The following CUX1 variants were observed in gnomAD, a reference collection of about 807,000 sequenced individuals.
The protein encoded by CUX1 is protein CASP.
Under a neutral mutation model 158.8 loss-of-function variants are expected in CUX1, and 31 were observed. The ratio of observed to expected loss-of-function variants is 0.20; its 90% confidence interval spans 0.15 to 0.26. The LOEUF (loss-of-function observed/expected upper bound fraction) is 0.26, where lower values mean the gene tolerates loss of function less well. Ranked by LOEUF, CUX1 falls within the 10% of genes least tolerant of loss-of-function variation. The pLI, the probability that CUX1 is intolerant of heterozygous loss-of-function variation, is 1.00. For synonymous variants in CUX1, 879 were observed against 862.1 expected (o/e 1.02, Z -0.34); for missense variants, 1,589 against 2,014.6 (o/e 0.79, Z 4.04).
At chr7:102,111,831 G>C in intron 7 of CUX1, 57 bp downstream of exon 7, 4 of 1,535,750 alleles carry the variant, frequency 2.6e-6, no homozygotes, top group Non-Finnish European at 3.6e-6. Context: ...GGGGAGAGTT[G>C]GGTCAGCCCC....
At chr7:102,178,107 GGC>G (rs1792593740) in intron 10 of CUX1, among the ~76,000 whole-genome samples, 1 of 152,152 alleles carries the variant, frequency 6.6e-6, no homozygotes, top group Non-Finnish European at 1.5e-5. Context: ...TCACCATGTT[GGC>G]CAGGCTGGTC....
intron 5 of CUX1, among the ~76,000 whole-genome samples, chr7:102,100,652 C>G (rs201469): frequency 0.62 from 94,791 of 152,044 alleles, 31,163 homozygotes; most frequent in African/African-American, 0.79. Flanking sequence ...AATTATCACA[C>G]CAGTAGTGTA....
In CUX1 at chr7:101,916,116, G is replaced by T; in HGVS notation, c.32G>T (p.Arg11Ile). ...TTTCCTTTCCTGTTTCCCCAACAGA[G>T]AGAACTCGATGCCACCGCAACGGTA... MLCVAGARLKRELDATATVLA... is the reference protein window; with the variant it reads MLCVAGARLKIELDATATVLA... Residue 11 changes from arginine (R) to isoleucine (I), a missense_variant and splice_region_variant, in exon 2 of 24, where the codon AGA (arginine) becomes ATA (isoleucine). Physicochemically the swap from Arg to Ile is moderately conservative, Grantham distance 97. This residue lies in a region of CUX1 where 63 missense variants were observed against 109.2 expected (regional missense o/e 0.58). Coordinates refer to ENST00000292535, the MANE Select transcript of CUX1 (RefSeq NM_181552.4). This position sits in a 1 kb window ranked among gnomAD's most constrained non-coding sequence, Gnocchi z 4.4. 1 of 1,609,838 alleles carries T rather than the reference G, an allele frequency of 6.2e-7. No homozygotes were observed. Among genetic ancestry groups the T allele is most frequent in the South Asian group, 1.1e-5 (1 of 90,980 alleles).
intron 2 of CUX1, among the ~76,000 whole-genome samples, chr7:101,948,903 T>C (rs1808710965): frequency 6.6e-6 from 1 of 152,220 alleles, no homozygotes; most frequent in African/African-American, 2.4e-5. Flanking sequence ...CCCCTGCAAG[T>C]GTGTCTGAGT....
At position 102,084,149 on chromosome 7, in the gene CUX1, G is replaced by A. The variant is rs1166200226; in HGVS notation, c.269-13215G>A. Among the ~76,000 whole-genome samples, 41 of 145,382 alleles carry A rather than the reference G, an allele frequency of 2.8e-4. 4 individuals carry two copies. The Admixed American group carries it at 2.9e-3, about 10-fold the overall frequency. ...GATCTGCCCACCTCAGCCTCCCAAA[G>A]TGCTAGGATTACAGGTGCGAGATTA... On this transcript the variant is annotated intron_variant, in intron 4 of 23. Coordinates refer to ENST00000292535, the MANE Select transcript of CUX1 (RefSeq NM_181552.4).
At chr7:101,873,178 CTT>C (rs35246188) in intron 1 of CUX1, among the ~76,000 whole-genome samples, 12 of 119,690 alleles carry the variant, frequency 1.0e-4, no homozygotes, top group African/African-American at 1.6e-4. Flanking sequence ...GCCTCAGCTT[CTT>C]TTTTTTTTTT....
intron 17 of CUX1, among the ~76,000 whole-genome samples, chr7:102,277,455 G>A (rs1791689641): frequency 6.6e-6 from 1 of 151,910 alleles, no homozygotes; most frequent in Non-Finnish European, 1.5e-5. Flanking sequence ...AACTAGCCAG[G>A]CATGGTGGCA....
intron 4 of CUX1, among the ~76,000 whole-genome samples, chr7:102,096,658 A>T (rs1585651782): frequency 2.6e-5 from 4 of 152,254 alleles, no homozygotes; most frequent in Admixed American, 2.6e-4. Flanking sequence ...GTGAGCCATG[A>T]TCATGCCACT....
At chr7:101,908,636 A>G (rs1803040035) in intron 1 of CUX1, among the ~76,000 whole-genome samples, 1 of 151,300 alleles carries the variant, frequency 6.6e-6, no homozygotes, top group African/African-American at 2.4e-5. Flanking sequence ...TAAGCCCCCC[A>G]CCTCTGTTTT....
chr7:102,160,921 G>A (rs1373828441), intron 9 of CUX1, among the ~76,000 whole-genome samples: 2 of 152,184 alleles, frequency 1.3e-5, no homozygotes, highest in Non-Finnish European at 2.9e-5. Context: ...GGTTAAGATG[G>A]TAAATTTTAT....
intron 4 of CUX1, among the ~76,000 whole-genome samples, 165 bp from the exon 5 acceptor site, chr7:102,097,199 G>T (rs1248076469): frequency 6.6e-6 from 1 of 152,242 alleles, no homozygotes; most frequent in Non-Finnish European, 1.5e-5. Context: ...AAGCACTGGA[G>T]AATTCTCCCA....
chr7:101,917,316 A>G (rs1804334112), intron 2 of CUX1, among the ~76,000 whole-genome samples: 1 of 152,236 alleles, frequency 6.6e-6, no homozygotes. Context: ...ATCATTATGG[A>G]AAACAAATTA....
intron 8 of CUX1, among the ~76,000 whole-genome samples, chr7:102,115,937 G>C (rs1385746815): frequency 6.6e-6 from 1 of 152,144 alleles, no homozygotes; most frequent in Non-Finnish European, 1.5e-5. Flanking sequence ...CAAACTCCCG[G>C]GGAGCAATGC....
intron 1 of CUX1, among the ~76,000 whole-genome samples, chr7:101,825,421 G>A (rs1011113165): frequency 7.9e-5 from 12 of 152,208 alleles, no homozygotes; most frequent in Non-Finnish European, 2.9e-5. Flanking sequence ...CCAGGAGCCT[G>A]CAGTCACCGA....
intron 1 of CUX1, among the ~76,000 whole-genome samples, chr7:101,836,038 A>G (rs539407091): frequency 6.6e-6 from 1 of 152,296 alleles, no homozygotes; most frequent in East Asian, 1.9e-4. Flanking sequence ...GCTTTTAGTT[A>G]CTTTAAAATG....
chr7:102,228,666 G>A (rs1798603500), intron 21 of CUX1, among the ~76,000 whole-genome samples: 1 of 152,150 alleles, frequency 6.6e-6, no homozygotes, highest in Non-Finnish European at 1.5e-5. Flanking sequence ...GGGTATGGTG[G>A]TGCACGCCTG....
intron 13 of CUX1, among the ~76,000 whole-genome samples, chr7:102,194,458 A>G (rs1794587489): frequency 6.6e-6 from 1 of 151,720 alleles, no homozygotes; most frequent in South Asian, 2.1e-4. Flanking sequence ...AAAATAGCCA[A>G]GTACTGTGAC....
chr7:101,984,111 TATATATATATATATATATACACAC>T lies in CUX1; in HGVS notation c.142-43985_142-43962del, dbSNP rs1563091858. On this transcript the variant is annotated intron_variant, in intron 2 of 23. Coordinates refer to ENST00000292535, the MANE Select transcript of CUX1 (RefSeq NM_181552.4). ...AAAAATATATATATATATATATATA[TATATATATATATATATATACACAC>T]ACACATATATATATGTGTGTGTGTG... Among the ~76,000 whole-genome samples the T allele has an allele frequency of 4.0e-4, 18 of 44,988 alleles. 2 individuals carry two copies. The highest frequency in any genetic ancestry group is 0.02 in the Middle Eastern group (2 of 100). The allele number at this position is 44,988 out of a possible 152,430, so 29.5% of individuals were successfully genotyped here.
At chr7:102,129,030 G>A (rs1478647179) in intron 8 of CUX1, among the ~76,000 whole-genome samples, 1 of 151,940 alleles carries the variant, frequency 6.6e-6, no homozygotes, top group African/African-American at 2.4e-5. Flanking sequence ...CTCTATAAAG[G>A]GTGGCTGACA....
Sources: gnomAD v4.1 joint callset for allele counts (sites outside exome capture counted in the v4.1 genomes callset) on GRCh38, gnomAD v4.1.1 for gene constraint, gnomAD v4.1.1 regional missense constraint, Gnocchi (gnomAD v3.1) non-coding constraint, MANE v1.5 for transcripts, NCBI Gene and HGNC (gene_info 2026-07-23, HGNC 2026-07-21) for gene names.